GRM7: variants seen among roughly 807,000 people sequenced by gnomAD.
GRM7 encodes the protein metabotropic glutamate receptor 7.
In GRM7, 35 loss-of-function variants were observed where a neutral mutation model predicts 84.5. That is an observed-to-expected ratio of 0.41 (90% confidence interval 0.32 to 0.55). The LOEUF is 0.55. GRM7 is among the 20% of genes least tolerant of loss of function. The probability of loss-of-function intolerance (pLI) is 0.19; values close to 1 mark genes in which losing one functional copy is unlikely to be tolerated. For missense variants in GRM7, 1,003 were observed against 1,194.6 expected, an observed-to-expected ratio of 0.84 and a Z score of 2.36; for synonymous variants, 487 against 455.1, an observed-to-expected ratio of 1.07 and a Z score of -0.89.
In GRM7 at chr3:7,710,479, T is replaced by A. The variant is rs537283262; in HGVS notation, c.2699-29878T>A. Among the ~76,000 whole-genome samples the A allele has an allele frequency of 3.6e-5, 5 of 138,262 alleles. No homozygotes were observed. In the South Asian group the frequency reaches 1.0e-3, roughly 29 times the overall value. The allele number at this position is 138,262 out of a possible 152,430, so 90.7% of individuals were successfully genotyped here. ...TGTTTTGCCTTGTCACTCACATTCCTGGAACCTTGCCAGATGGTGTAAAAG... is the reference window on the plus strand; with the variant it reads ...TGTTTTGCCTTGTCACTCACATTCCAGGAACCTTGCCAGATGGTGTAAAAG... On this transcript the variant is annotated intron_variant, in intron 9 of 9. Coordinates refer to ENST00000357716, the MANE Select transcript of GRM7 (RefSeq NM_000844.4).
intron 1 of GRM7, among the ~76,000 whole-genome samples, chr3:6,868,201 A>G (rs949390629): frequency 6.6e-6 from 1 of 152,188 alleles, no homozygotes; most frequent in African/African-American, 2.4e-5. Flanking sequence ...CCAAAGTCAC[A>G]TAGCTGGTAA....
chr3:7,256,842 A>G (rs749863094), intron 2 of GRM7, among the ~76,000 whole-genome samples: 13 of 152,246 alleles, frequency 8.5e-5, no homozygotes, highest in African/African-American at 2.7e-4. Flanking sequence ...CAATTTTCCA[A>G]TAGAGACTGT....
At chr3:7,250,535 A>G (rs369356839) in intron 2 of GRM7, among the ~76,000 whole-genome samples, 151,482 of 151,494 alleles carry the variant, frequency 1, 75,735 homozygotes, top group Middle Eastern at 1. Flanking sequence ...TATTTGGAAA[A>G]AATCCAAAAA....
rs573713572 is a variant in GRM7 at position 7,498,191 on chromosome 3, T to C, written c.1515+36469T>C. 2.0e-4 allele frequency among the ~76,000 whole-genome samples: 31 copies of C among 152,312 alleles called. No homozygotes were observed. The South Asian group carries it at 6.0e-3, about 30-fold the overall frequency. On this transcript the variant is annotated intron_variant, in intron 7 of 9. Transcript: ENST00000357716. ...AGTAAACCTTGCCTCCCTTTTTTTTTATTATCGAAGTCCCCACAGATAATT... is the reference window on the plus strand; with the variant it reads ...AGTAAACCTTGCCTCCCTTTTTTTTCATTATCGAAGTCCCCACAGATAATT...
chr3:6,908,788 A>T (rs1696669059), intron 1 of GRM7, among the ~76,000 whole-genome samples: 1 of 152,170 alleles, frequency 6.6e-6, no homozygotes, highest in Non-Finnish European at 1.5e-5. Context: ...GATGTCTGTT[A>T]AGATCACGTT....
chr3:7,440,062 G>A (rs1291588173), intron 5 of GRM7, among the ~76,000 whole-genome samples: 1 of 152,210 alleles, frequency 6.6e-6, no homozygotes, highest in Non-Finnish European at 1.5e-5. Flanking sequence ...GGAGGGAGCT[G>A]GTTGTTAAAC....
At position 6,863,160 on chromosome 3, in the gene GRM7, A is replaced by C. The variant is rs1694821923; in HGVS notation, c.519+1253A>C. Among the ~76,000 whole-genome samples the C allele has an allele frequency of 6.9e-6, 1 of 143,920 alleles. No individual in the cohort carries two copies. 94.4% of individuals were successfully genotyped at this position (143,920 alleles called of 152,430 possible). A position where few individuals can be genotyped will look rare whatever the true frequency, so the allele number is the denominator to read the frequency against. On this transcript the variant is annotated intron_variant, in intron 1 of 9. Coordinates refer to ENST00000357716, the MANE Select transcript of GRM7 (RefSeq NM_000844.4). The surrounding 1 kb of genome is among the most constrained non-coding windows in gnomAD (Gnocchi z 4.8). ...TCTCTCTGTTTTTTCTCTCCTTTTC[A>C]ATCTCTCCCTCCTTTCCTCCTCTGT...
chr3:7,388,221 C>T (rs575492054), intron 4 of GRM7, among the ~76,000 whole-genome samples: 1 of 152,246 alleles, frequency 6.6e-6, no homozygotes, highest in East Asian at 1.9e-4. Flanking sequence ...GGCATAGAAT[C>T]ATATCATCAG....
At chr3:6,893,304 T>A (rs1696042051) in intron 1 of GRM7, among the ~76,000 whole-genome samples, 1 of 152,138 alleles carries the variant, frequency 6.6e-6, no homozygotes, top group Admixed American at 6.6e-5. Context: ...CAGCTGAGTG[T>A]GGTTGAACTA....
intron 2 of GRM7, among the ~76,000 whole-genome samples, chr3:7,255,356 A>G (rs1698156362): frequency 6.6e-6 from 1 of 152,156 alleles, no homozygotes; most frequent in Non-Finnish European, 1.5e-5. Flanking sequence ...AGTGGATCTC[A>G]CAAGGGTTGT....
At chr3:7,729,059 T>C (rs1299551679) in intron 9 of GRM7, among the ~76,000 whole-genome samples, 8 of 7,796 alleles carry the variant, frequency 1.0e-3, no homozygotes, top group East Asian at 8.1e-3. Flanking sequence ...TTTTTTTTTT[T>C]CCCCATAGTT....
chr3:6,997,348 T>C (rs1694860225), intron 1 of GRM7, among the ~76,000 whole-genome samples: 2 of 152,310 alleles, frequency 1.3e-5, no homozygotes, highest in African/African-American at 4.8e-5. Flanking sequence ...AGGTAATTTA[T>C]AAAGGAAAGA....
intron 4 of GRM7, among the ~76,000 whole-genome samples, chr3:7,377,031 A>G (rs1694380577): frequency 6.6e-6 from 1 of 152,232 alleles, no homozygotes; most frequent in Non-Finnish European, 1.5e-5. Flanking sequence ...AAGTAGACCC[A>G]AATACACTTT....
chr3:7,003,949 G>A (rs1230048056), intron 1 of GRM7, among the ~76,000 whole-genome samples: 1 of 152,130 alleles, frequency 6.6e-6, no homozygotes, highest in Non-Finnish European at 1.5e-5. Context: ...CCTACATGAT[G>A]CACTCACATA....
At chr3:7,599,557 A>C (rs1206524485) in intron 8 of GRM7, among the ~76,000 whole-genome samples, 2 of 152,168 alleles carry the variant, frequency 1.3e-5, no homozygotes, top group Admixed American at 6.5e-5. Flanking sequence ...CCAGAGCTTG[A>C]CATAGGGACA....
intron 7 of GRM7, chr3:7,535,268 G>A (rs1269035228): frequency 6.6e-6 from 1 of 151,416 alleles, no homozygotes; most frequent in African/African-American, 2.4e-5. Context: ...GACGCAACTG[G>A]AGGAGGATGG....
chr3:7,051,269 C>T (rs1042986412), intron 1 of GRM7, among the ~76,000 whole-genome samples: 1 of 151,742 alleles, frequency 6.6e-6, no homozygotes, highest in African/African-American at 2.4e-5. Context: ...ATTTGATCCT[C>T]ACCACAGCCT....
chr3:6,984,301 C>G (rs1329718208), intron 1 of GRM7, among the ~76,000 whole-genome samples: 3 of 152,142 alleles, frequency 2.0e-5, no homozygotes, highest in African/African-American at 7.2e-5. Flanking sequence ...CAGCACCTAT[C>G]TGGTGACAAA....
intron 5 of GRM7, among the ~76,000 whole-genome samples, chr3:7,450,304 A>C (rs1171811046): frequency 1.3e-5 from 2 of 152,162 alleles, no homozygotes; most frequent in Non-Finnish European, 2.9e-5. Flanking sequence ...GGTTGCAGGG[A>C]AACAAACATT....
Sources: gnomAD v4.1 joint callset for allele counts (sites outside exome capture counted in the v4.1 genomes callset) on GRCh38, gnomAD v4.1.1 for gene constraint, Gnocchi (gnomAD v3.1) non-coding constraint, MANE v1.5 for transcripts, NCBI Gene and HGNC (gene_info 2026-07-23, HGNC 2026-07-21) for gene names.